KCNK12: variants seen among roughly 807,000 people sequenced by gnomAD.
The protein encoded by KCNK12 is potassium two pore domain channel subfamily K member 12, also known as potassium channel subfamily K member 12.
In KCNK12, 6 loss-of-function variants were observed where a neutral mutation model predicts 25.3. That is an observed-to-expected ratio of 0.24 (90% CI 0.13 to 0.47). KCNK12 has a LOEUF of 0.47. Ranked by LOEUF, KCNK12 falls within the 20% of genes least tolerant of loss-of-function variation. The probability of loss-of-function intolerance (pLI) is 0.99; values close to 1 mark genes in which losing one functional copy is unlikely to be tolerated. For synonymous variants in KCNK12, 331 were observed against 311.1 expected (o/e 1.06, Z -0.67); for missense variants, 444 against 661.7 (o/e 0.67, Z 3.61).
Position 47,562,025 on chromosome 2 carries a change from A to T in KCNK12, c.391+7916T>A, listed in dbSNP as rs893420529. ...ATGTCCTGCCTAAAGCCACGCAGCC[A>T]GTTAGTGGCAGAGCCAGGTCTAGAC... On this transcript the variant is annotated intron_variant, in intron 1 of 1. Coordinates refer to ENST00000327876, the MANE Select transcript of KCNK12 (RefSeq NM_022055.2). This position sits in a 1 kb window ranked among gnomAD's most constrained non-coding sequence, Gnocchi z 4.8. 32 of 398,390 alleles carry T rather than the reference A, an allele frequency of 8.0e-5. No individual in the cohort carries two copies. The highest frequency in any genetic ancestry group is 5.8e-4 in the African/African-American group (28 of 48,604). The allele number at this position is 398,390 out of a possible 1,614,324, so 24.7% of individuals were successfully genotyped here.
At chr2:47,558,355 A>G (rs1287051847) in intron 1 of KCNK12, among the ~76,000 whole-genome samples, 1 of 152,232 alleles carries the variant, frequency 6.6e-6, no homozygotes, top group East Asian at 1.9e-4. Context: ...TTCTGCACTG[A>G]CACAGGCAAG....
chr2:47,540,100 G>GTA lies in KCNK12; in HGVS notation c.392-18294_392-18293dup, dbSNP rs1669164547. 6.6e-6 allele frequency among the ~76,000 whole-genome samples: 1 copy of GTA among 152,220 alleles called. No homozygotes were observed. Among genetic ancestry groups the GTA allele is most frequent in the Non-Finnish European group, 1.5e-5 (1 of 68,042 alleles). On this transcript the variant is annotated intron_variant, in intron 1 of 1. Coordinates refer to ENST00000327876, the MANE Select transcript of KCNK12 (RefSeq NM_022055.2). This position sits in a 1 kb window ranked among gnomAD's most constrained non-coding sequence, Gnocchi z 5.4. The stretch of plus-strand genomic sequence containing the variant: ...GGGGACAGCTGGCGGATTTAGCAGA[G>GTA]TACGTGGCACAGAGGAAACACTAAA...
At chr2:47,550,819 T>C (rs1316854396) in intron 1 of KCNK12, among the ~76,000 whole-genome samples, 5 of 152,150 alleles carry the variant, frequency 3.3e-5, no homozygotes, top group Non-Finnish European at 5.9e-5. Context: ...TAATCACTTC[T>C]CACTGCCTCC....
rs146642878 is a variant in KCNK12, at chr2:47,512,830, AAATC to A, written c.*8073_*8076del. On this transcript the variant is annotated 3_prime_UTR_variant, in exon 2 of 2. Coordinates refer to ENST00000327876, the MANE Select transcript of KCNK12 (RefSeq NM_022055.2). ...CACTTCCTGTTTCCAGCTGAAGTCT[AAATC>A]AATCCACTATCAACAGGTAGCTATC... 4.0e-3 allele frequency: 730 copies of A among 180,566 alleles called. 25 individuals are homozygous for A. The highest frequency in any genetic ancestry group is 0.032 in the Admixed American group (582 of 18,246). 11.2% of individuals were successfully genotyped at this position (180,566 alleles called of 1,614,324 possible). A position where few individuals can be genotyped will look rare whatever the true frequency, so the allele number is the denominator to read the frequency against.
chr2:47,517,563 G>A lies in KCNK12; in HGVS notation c.*3344C>T, dbSNP rs1042327444. 1.3e-5 allele frequency: 2 copies of A among 152,122 alleles called. No individual in the cohort carries two copies. Among genetic ancestry groups the A allele is most frequent in the Non-Finnish European group, 2.9e-5 (2 of 68,048 alleles). 9.4% of individuals were successfully genotyped at this position (152,122 alleles called of 1,614,324 possible). ...TGGGGAAAAGGGTTAGTAGCTCTTT[G>A]TAAGGCTGGTGTGTATGTGTGTGTG... On this transcript the variant is annotated 3_prime_UTR_variant, in exon 2 of 2. Coordinates refer to ENST00000327876, the MANE Select transcript of KCNK12 (RefSeq NM_022055.2). This position sits in a 1 kb window ranked among gnomAD's most constrained non-coding sequence, Gnocchi z 4.1.
At chr2:47,526,755 A>T (rs1182991459) in intron 1 of KCNK12, among the ~76,000 whole-genome samples, 1 of 151,742 alleles carries the variant, frequency 6.6e-6, no homozygotes, top group Non-Finnish European at 1.5e-5. Context: ...AAACCCCAAA[A>T]CACAAAAAGA....
In KCNK12 at chr2:47,518,426, A is replaced by G. The variant is rs1668573006; in HGVS notation, c.*2481T>C. ...TTAGAAGATTGCTCAAGCTGCCTCC[A>G]ATTGCCTCTTTCCAAAACCAAAGCA... On this transcript the variant is annotated 3_prime_UTR_variant, in exon 2 of 2. Coordinates refer to ENST00000327876, the MANE Select transcript of KCNK12 (RefSeq NM_022055.2). The surrounding 1 kb of genome is among the most constrained non-coding windows in gnomAD (Gnocchi z 4.1). 1 of 152,250 alleles carries G rather than the reference A, an allele frequency of 6.6e-6. No homozygotes were observed. Among genetic ancestry groups the G allele is most frequent in the Admixed American group, 6.5e-5 (1 of 15,282 alleles). The allele number at this position is 152,250 out of a possible 1,614,324, so 9.4% of individuals were successfully genotyped here.
At chr2:47,523,864 C>T (rs572120127) in intron 1 of KCNK12, among the ~76,000 whole-genome samples, 2 of 152,328 alleles carry the variant, frequency 1.3e-5, no homozygotes, top group Admixed American at 1.3e-4. Flanking sequence ...TGTGCTCTGC[C>T]AGTGGGGTGG....
chr2:47,536,089 G>A (rs1404058598), intron 1 of KCNK12, among the ~76,000 whole-genome samples: 1 of 151,982 alleles, frequency 6.6e-6, no homozygotes, highest in Non-Finnish European at 1.5e-5. Context: ...TCTCCTTTTG[G>A]CTCATTCTGT....
At position 47,555,811 on chromosome 2, in the gene KCNK12, T is replaced by C. The variant is rs188123269; in HGVS notation, c.391+14130A>G. 1 of 152,160 alleles carries C rather than the reference T, an allele frequency of 6.6e-6. No individual in the cohort carries two copies. The highest frequency in any genetic ancestry group is 2.4e-5 in the African/African-American group (1 of 41,412). 9.4% of individuals were successfully genotyped at this position (152,160 alleles called of 1,614,324 possible). A position where few individuals can be genotyped will look rare whatever the true frequency, so the allele number is the denominator to read the frequency against. On this transcript the variant is annotated intron_variant, in intron 1 of 1. Transcript: ENST00000327876. The surrounding 1 kb of genome is among the most constrained non-coding windows in gnomAD (Gnocchi z 4.5). ...GGCCCTCTCATACTGAAAGGTCACA[T>C]AGAGATCCAGCAAAAAGGACCAAGG...
chr2:47,529,458 C>T lies in KCNK12; in HGVS notation c.392-7650G>A, dbSNP rs945942836. 4.6e-5 allele frequency among the ~76,000 whole-genome samples: 7 copies of T among 152,238 alleles called. No individual in the cohort carries two copies. Among genetic ancestry groups the T allele is most frequent in the Admixed American group, 3.9e-4 (6 of 15,290 alleles). On this transcript the variant is annotated intron_variant, in intron 1 of 1. Transcript: ENST00000327876. The surrounding 1 kb of genome is among the most constrained non-coding windows in gnomAD (Gnocchi z 4.3). ...ACCCTATTGGTTGGAATCTGTCCAA[C>T]TACAAATATTTTGATTTAAATTTCC...
rs1258721604 is a variant in KCNK12, at chr2:47,511,465, C to G, written c.*9442G>C. On this transcript the variant is annotated 3_prime_UTR_variant, in exon 2 of 2. Transcript: ENST00000327876. The surrounding 1 kb of genome is among the most constrained non-coding windows in gnomAD (Gnocchi z 4.3). ...ATACATGTATTCTAAAGAAATCTGT[C>G]CAGAACCCCAGCATCTGTGGTGTCT... Among the ~76,000 whole-genome samples, 3 of 152,178 alleles carry G rather than the reference C, an allele frequency of 2.0e-5. No homozygotes were observed. The highest frequency in any genetic ancestry group is 4.4e-5 in the Non-Finnish European group (3 of 68,044).
chr2:47,545,837 TA>T (rs1405282196), intron 1 of KCNK12, among the ~76,000 whole-genome samples: 1 of 151,556 alleles, frequency 6.6e-6, no homozygotes, highest in East Asian at 1.9e-4. Context: ...ACAGAATTTC[TA>T]AAGAGAGTAG....
At chr2:47,554,793 C>A (rs1669517406) in intron 1 of KCNK12, among the ~76,000 whole-genome samples, 1 of 152,190 alleles carries the variant, frequency 6.6e-6, no homozygotes, top group Admixed American at 6.5e-5. Context: ...GGTTAGAACG[C>A]TAACTTAGTT....
rs1036690762 is a variant in KCNK12, at chr2:47,560,880, C to G, written c.391+9061G>C. Among the ~76,000 whole-genome samples, 5 of 152,168 alleles carry G rather than the reference C, an allele frequency of 3.3e-5. No individual in the cohort carries two copies. Among genetic ancestry groups the G allele is most frequent in the African/African-American group, 1.2e-4 (5 of 41,440 alleles). On this transcript the variant is annotated intron_variant, in intron 1 of 1. Transcript: ENST00000327876. The surrounding 1 kb of genome is among the most constrained non-coding windows in gnomAD (Gnocchi z 4.7). ...GATACTGGTGGGCTCTGTGGCCTCC[C>G]CTGGCCCCAGATCCTGTCCTGCTCC...
At chr2:47,558,993 T>C (rs1381623104) in intron 1 of KCNK12, among the ~76,000 whole-genome samples, 1 of 152,232 alleles carries the variant, frequency 6.6e-6, no homozygotes, top group African/African-American at 2.4e-5. Flanking sequence ...AGGGCCTCTT[T>C]ATGGCTAAGA....
In KCNK12 at chr2:47,514,206, T is replaced by G. The variant is rs1281341133; in HGVS notation, c.*6701A>C. Among the ~76,000 whole-genome samples the G allele has an allele frequency of 6.6e-6, 1 of 152,194 alleles. No individual in the cohort carries two copies. Among genetic ancestry groups the G allele is most frequent in the African/African-American group, 2.4e-5 (1 of 41,450 alleles). On this transcript the variant is annotated 3_prime_UTR_variant, in exon 2 of 2. Coordinates refer to ENST00000327876, the MANE Select transcript of KCNK12 (RefSeq NM_022055.2). The surrounding 1 kb of genome is among the most constrained non-coding windows in gnomAD (Gnocchi z 5.0). ...GTCAGCAGGCTTGCTGCTCTCAGGC[T>G]CAGCATGGACAGCTGCTTCTGAGAG...
rs1384909990 is a variant in KCNK12 at position 47,517,814 on chromosome 2, C to T, written c.*3093G>A. 2.6e-5 allele frequency: 4 copies of T among 152,132 alleles called. No individual in the cohort carries two copies. Among genetic ancestry groups the T allele is most frequent in the Non-Finnish European group, 5.9e-5 (4 of 68,026 alleles). The allele number at this position is 152,132 out of a possible 1,614,324, so 9.4% of individuals were successfully genotyped here. Reference sequence around the variant, plus strand: ...TCCTCAGCTCTGAGAAGGCTGCTAGCCAAGACTCTGGATTCTCTGTGGCCA... The same window carrying T: ...TCCTCAGCTCTGAGAAGGCTGCTAGTCAAGACTCTGGATTCTCTGTGGCCA... On this transcript the variant is annotated 3_prime_UTR_variant, in exon 2 of 2. Transcript: ENST00000327876. This position sits in a 1 kb window ranked among gnomAD's most constrained non-coding sequence, Gnocchi z 4.1.
intron 1 of KCNK12, among the ~76,000 whole-genome samples, chr2:47,552,754 T>A (rs1669464626): frequency 6.7e-6 from 1 of 150,106 alleles, no homozygotes; most frequent in Non-Finnish European, 1.5e-5. Context: ...GATGACAGAG[T>A]GAGACTCTGG....
Sources: allele counts gnomAD v4.1 joint callset (sites outside exome capture counted in the v4.1 genomes callset), GRCh38; gene constraint gnomAD v4.1.1; non-coding constraint Gnocchi (gnomAD v3.1); transcripts MANE v1.5; gene names NCBI Gene and HGNC (gene_info 2026-07-23, HGNC 2026-07-21).